The following UBR1 variants were observed in gnomAD, a reference collection of about 807,000 sequenced individuals.
UBR1 encodes E3 ubiquitin-protein ligase UBR1.
A neutral mutation model predicts 242.1 loss-of-function variants in UBR1; 102 were observed. The ratio of observed to expected loss-of-function variants is 0.42; its 90% confidence interval spans 0.36 to 0.50. The LOEUF is 0.50. UBR1 is among the 20% of genes least tolerant of loss of function. The pLI, the probability that UBR1 is intolerant of heterozygous loss-of-function variation, is 0.01. For missense variants in UBR1, 1,772 were observed against 2,101.8 expected (o/e 0.84, Z 3.07); for synonymous variants, 675 against 684.8 (o/e 0.99, Z 0.22).
Position 42,970,550 on chromosome 15 carries a change from A to C in UBR1, c.4427T>G (p.Phe1476Cys), listed in dbSNP as rs780634792. 65 of 1,613,716 alleles carry C rather than the reference A, an allele frequency of 4.0e-5. No homozygotes were observed. The highest frequency in any genetic ancestry group is 4.9e-5 in the Non-Finnish European group (58 of 1,180,020). ...DSEEAHSASS[F>C]FAEISQYTSG... ...TGTATATTGAGAAATTTCTGCAAAGAAAGAAGATGCGGAATGAGCCTCTTC... is the reference window on the plus strand; with the variant it reads ...TGTATATTGAGAAATTTCTGCAAAGCAAGAAGATGCGGAATGAGCCTCTTC... The change falls in exon 40 of 47, where the codon TTC (phenylalanine) becomes TGC (cysteine). Residue 1476 changes from phenylalanine to cysteine, a missense_variant. This residue lies in a region of UBR1 where 965 missense variants were observed against 1,079.7 expected (regional missense o/e 0.89). Transcript: ENST00000290650.
chr15:43,069,492 G>A (rs1247472115), intron 5 of UBR1, among the ~76,000 whole-genome samples: 1 of 152,132 alleles, frequency 6.6e-6, no homozygotes, highest in Non-Finnish European at 1.5e-5. Flanking sequence ...AGCCAGGATG[G>A]TCTCGATCTC....
intron 38 of UBR1, 101 bp downstream of exon 38, chr15:42,977,779 A>G (rs993827946): frequency 9.2e-7 from 1 of 1,089,602 alleles, no homozygotes; most frequent in Admixed American, 1.8e-5. Flanking sequence ...TAGATTAAAC[A>G]CAAAGAATTT....
At chr15:42,955,647 A>G (rs574061603) in intron 44 of UBR1, among the ~76,000 whole-genome samples, 1 of 152,284 alleles carries the variant, frequency 6.6e-6, no homozygotes, top group Admixed American at 6.5e-5. Context: ...TTGGCTTAGT[A>G]TTTTCAAGAC....
chr15:43,037,660 G>T (rs1373462811), intron 17 of UBR1, 113 bp downstream of exon 17: 12 of 866,132 alleles, frequency 1.4e-5, no homozygotes. Flanking sequence ...GTTTATACAA[G>T]AGAATAGTAA....
intron 1 of UBR1, among the ~76,000 whole-genome samples, chr15:43,098,558 C>T (rs2034188545): frequency 6.6e-6 from 1 of 152,188 alleles, no homozygotes; most frequent in Admixed American, 6.5e-5. Flanking sequence ...TATCCAGACA[C>T]ACTCTTTGTG....
rs3917223 is a variant in UBR1 at position 42,963,993 on chromosome 15, T to C, written c.4642A>G (p.Thr1548Ala). 0.07 allele frequency: 112,836 copies of C among 1,612,558 alleles called. 4,575 individuals are homozygous for C. The highest frequency in any genetic ancestry group is 0.11 in the South Asian group (9,696 of 91,042). The change falls in exon 42 of 47, where the codon ACA becomes GCA. Residue 1548 changes from threonine (T) to alanine (A), a missense_variant. Around this residue, in one of 3 missense-constraint regions of UBR1, gnomAD observed 965 missense variants for 1,079.7 expected, o/e 0.89. Transcript: ENST00000290650. ...SALCSYLSLP[T>A]NLFLLFQEYW... ...TCCTGGAAGAGCAGGAACAAATTTGTAGGTAAAGATAGATAGCTACAGAGT... is the reference window on the plus strand; with the variant it reads ...TCCTGGAAGAGCAGGAACAAATTTGCAGGTAAAGATAGATAGCTACAGAGT...
At chr15:43,059,267 G>A (rs1332441552) in intron 8 of UBR1, 75 bp from the exon 9 acceptor site, 5 of 1,350,872 alleles carry the variant, frequency 3.7e-6, no homozygotes, top group East Asian at 2.4e-5. Flanking sequence ...GTCTCACTCT[G>A]TTGCCCAGGT....
At chr15:43,034,492 A>G (rs2033304189) in intron 19 of UBR1, among the ~76,000 whole-genome samples, 1 of 152,102 alleles carries the variant, frequency 6.6e-6, no homozygotes, top group East Asian at 1.9e-4. Context: ...CTCTGAGACA[A>G]CAAAGATAAA....
chr15:43,102,418 T>G (rs2034248600), intron 1 of UBR1, among the ~76,000 whole-genome samples: 1 of 152,180 alleles, frequency 6.6e-6, no homozygotes, highest in East Asian at 1.9e-4. Flanking sequence ...AGAAGTGAGA[T>G]GACACAGAGA....
At chr15:43,053,593 CTTTAT>C (rs1270397024) in intron 12 of UBR1, among the ~76,000 whole-genome samples, 5 of 151,916 alleles carry the variant, frequency 3.3e-5, no homozygotes. Context: ...ATTTACTGAA[CTTTAT>C]TTTATTTTTT....
chr15:43,008,436 T>C (rs1203517458), intron 29 of UBR1, among the ~76,000 whole-genome samples: 1 of 152,256 alleles, frequency 6.6e-6, no homozygotes, highest in Non-Finnish European at 1.5e-5. Flanking sequence ...CCTCCTGCCT[T>C]GGACCCCTCT....
At chr15:43,051,695 T>G (rs1054155040) in intron 12 of UBR1, among the ~76,000 whole-genome samples, 1 of 152,128 alleles carries the variant, frequency 6.6e-6, no homozygotes, top group Non-Finnish European at 1.5e-5. Flanking sequence ...CTCACATAGC[T>G]AATGAGCAAC....
intron 1 of UBR1, among the ~76,000 whole-genome samples, chr15:43,086,801 G>C (rs900689272): frequency 6.6e-6 from 1 of 152,178 alleles, no homozygotes; most frequent in Non-Finnish European, 1.5e-5. Context: ...ATGACAATGA[G>C]ATACCCCTGT....
chr15:43,030,969 G>A (rs1213185891), intron 20 of UBR1, among the ~76,000 whole-genome samples: 4 of 152,092 alleles, frequency 2.6e-5, no homozygotes, highest in African/African-American at 7.2e-5. Flanking sequence ...ACCAAAAACA[G>A]TATCCCCTAG....
At chr15:43,021,234 T>C in intron 27 of UBR1, 41 bp downstream of exon 27, 1 of 1,559,260 alleles carries the variant, frequency 6.4e-7, no homozygotes, top group Non-Finnish European at 8.8e-7. Context: ...AATTCTTAAA[T>C]ATTTAAACCA....
In UBR1 at chr15:42,960,693, G is replaced by A. The variant is rs551157608; in HGVS notation, c.4709C>T (p.Ala1570Val). 69 of 1,613,882 alleles carry A rather than the reference G, an allele frequency of 4.3e-5. No individual in the cohort carries two copies. In the South Asian group the frequency reaches 5.8e-4, roughly 14 times the overall value. Residue 1570 changes from alanine to valine, a missense_variant, in exon 43 of 47, where the codon GCA becomes GTA. Around this residue, in one of 3 missense-constraint regions of UBR1, gnomAD observed 965 missense variants for 1,079.7 expected, o/e 0.89. Coordinates refer to ENST00000290650, the MANE Select transcript of UBR1 (RefSeq NM_174916.3). Reference sequence around the variant, plus strand: ...CAAACAGTTTAGTAAGGCAGGATCTGCACACCACCTGTATGTGGAGCCAAG... The same window carrying A: ...CAAACAGTTTAGTAAGGCAGGATCTACACACCACCTGTATGTGGAGCCAAG... ...TVRPLLQRWC[A>V]DPALLNCLKQ...
intron 30 of UBR1, among the ~76,000 whole-genome samples, chr15:43,004,142 ACT>A (rs1491133940): frequency 1.3e-5 from 2 of 151,834 alleles, no homozygotes; most frequent in East Asian, 1.9e-4. Context: ...TGGATTAATA[ACT>A]CTATCTTTGA....
chr15:43,003,709 T>C, intron 31 of UBR1, 128 bp downstream of exon 31: 1 of 920,780 alleles, frequency 1.1e-6, no homozygotes. Flanking sequence ...AATTAGTAAT[T>C]AAAACTGTTT....
At chr15:43,024,007 G>A (rs1223320501) in intron 25 of UBR1, among the ~76,000 whole-genome samples, 2 of 152,128 alleles carry the variant, frequency 1.3e-5, no homozygotes, top group Non-Finnish European at 1.5e-5. Flanking sequence ...AATGGACTAC[G>A]CAGCTATCAA....
Sources: allele counts gnomAD v4.1 joint callset (sites outside exome capture counted in the v4.1 genomes callset), GRCh38; gene constraint gnomAD v4.1.1; regional missense constraint gnomAD v4.1.1; transcripts MANE v1.5; gene names NCBI Gene and HGNC (gene_info 2026-07-23, HGNC 2026-07-21).